Variants in RAMP1 observed in about 807,000 individuals in gnomAD.
RAMP1 encodes the protein receptor activity modifying protein 1.
A neutral mutation model predicts 8.2 loss-of-function variants in RAMP1; 7 were observed. The observed-to-expected ratio is 0.85, with a 90% CI of 0.49 to 1.60. RAMP1 has a LOEUF of 1.60. Ranked by LOEUF, RAMP1 falls within the 40% of genes most tolerant of loss-of-function variation. The pLI is 0.00. For synonymous variants in RAMP1, 92 were observed against 84.7 expected (o/e 1.09, Z -0.47); for missense variants, 192 against 202.4 (o/e 0.95, Z 0.31).
intron 2 of RAMP1, 111 bp from the exon 3 acceptor site, chr2:237,911,417 G>C (rs566285810): frequency 4.8e-6 from 7 of 1,451,598 alleles, no homozygotes; most frequent in Non-Finnish European, 5.6e-6. Context: ...GGGCTTCTCC[G>C]AGCCAAGCTT....
intron 1 of RAMP1, among the ~76,000 whole-genome samples, chr2:237,868,101 T>A (rs980083109): frequency 3.3e-5 from 5 of 151,158 alleles, no homozygotes; most frequent in African/African-American, 9.7e-5. Flanking sequence ...TGGAGTGCAG[T>A]GGAGCGATGT....
intron 2 of RAMP1, among the ~76,000 whole-genome samples, chr2:237,883,501 A>G (rs571662901): frequency 1.4e-4 from 21 of 152,272 alleles, no homozygotes; most frequent in African/African-American, 5.1e-4. Context: ...AGGACGTTGA[A>G]TAGAAGTAAA....
intron 2 of RAMP1, among the ~76,000 whole-genome samples, chr2:237,909,046 A>C (rs74002613): frequency 0.062 from 9,364 of 152,150 alleles, 972 homozygotes; most frequent in African/African-American, 0.21. Flanking sequence ...GGGACTCAGC[A>C]CCTGCCCTAG....
chr2:237,903,088 G>A (rs769044726), intron 2 of RAMP1, among the ~76,000 whole-genome samples: 2 of 152,104 alleles, frequency 1.3e-5, no homozygotes, highest in Non-Finnish European at 2.9e-5. Flanking sequence ...TGAACTCCTG[G>A]CCTCAAGCGA....
intron 1 of RAMP1, among the ~76,000 whole-genome samples, chr2:237,870,422 C>T (rs1371970187): frequency 6.6e-6 from 1 of 152,242 alleles, no homozygotes; most frequent in Non-Finnish European, 1.5e-5. Flanking sequence ...TGGTGCTGCT[C>T]ACCCGCCTTT....
chr2:237,869,141 T>C lies in RAMP1; in HGVS notation c.53-8083T>C, dbSNP rs1057486959. Among the ~76,000 whole-genome samples, 3 of 152,190 alleles carry C rather than the reference T, an allele frequency of 2.0e-5. No homozygotes were observed. The East Asian group carries it at 5.8e-4, about 30-fold the overall frequency. On this transcript the variant is annotated intron_variant, in intron 1 of 2. Coordinates refer to ENST00000254661, the MANE Select transcript of RAMP1 (RefSeq NM_005855.4). ...GCACTGCGTTTGTGATCCTGCCTGCTTTCCCTGGGCACGTGTTGCTGCGTG... is the reference window on the plus strand; with the variant it reads ...GCACTGCGTTTGTGATCCTGCCTGCCTTCCCTGGGCACGTGTTGCTGCGTG...
At chr2:237,898,915 G>A (rs935206154) in intron 2 of RAMP1, among the ~76,000 whole-genome samples, 47 of 152,244 alleles carry the variant, frequency 3.1e-4, no homozygotes, top group Non-Finnish European at 5.9e-5. Flanking sequence ...GCTATTCACA[G>A]AATCCTGGGT....
At position 237,877,538 on chromosome 2, in the gene RAMP1, G is replaced by A. The variant is rs1416294150; in HGVS notation, c.191+176G>A. On this transcript the variant is annotated intron_variant, in intron 2 of 2. Transcript: ENST00000254661. This position sits in a 1 kb window ranked among gnomAD's most constrained non-coding sequence, Gnocchi z 4.4. ...AGGAGGGAGCCAGTAGCAGGTGGAC[G>A]TGAAGAGTGACGGTGGGAGGAGGCC... is the stretch of plus-strand genomic sequence containing the variant. 1.3e-5 allele frequency among the ~76,000 whole-genome samples: 2 copies of A among 152,192 alleles called. No homozygotes were observed. Among genetic ancestry groups the A allele is most frequent in the Admixed American group, 6.5e-5 (1 of 15,290 alleles).
At chr2:237,897,779 G>GA (rs2062556510) in intron 2 of RAMP1, among the ~76,000 whole-genome samples, 1 of 85,908 alleles carries the variant, frequency 1.2e-5, no homozygotes. Flanking sequence ...TGGTTTTTTG[G>GA]GGGGGGGTTT....
intron 1 of RAMP1, among the ~76,000 whole-genome samples, chr2:237,872,391 GC>G (rs2062255444): frequency 1.3e-5 from 2 of 152,300 alleles, no homozygotes; most frequent in Middle Eastern, 3.4e-3. Context: ...CCAGGTGACT[GC>G]CCAGGTCGTG....
intron 2 of RAMP1, among the ~76,000 whole-genome samples, chr2:237,893,722 T>C (rs1051845303): frequency 3.9e-5 from 6 of 152,140 alleles, no homozygotes; most frequent in African/African-American, 1.4e-4. Flanking sequence ...GTGGATCACT[T>C]GAGGTCAGGA....
intron 2 of RAMP1, among the ~76,000 whole-genome samples, chr2:237,908,552 C>T (rs1031749987): frequency 1.3e-5 from 2 of 152,090 alleles, no homozygotes; most frequent in Non-Finnish European, 2.9e-5. Context: ...ATTCTCTTGC[C>T]TCAGACTCCC....
At chr2:237,863,861 A>C (rs1413677450) in intron 1 of RAMP1, among the ~76,000 whole-genome samples, 1 of 151,602 alleles carries the variant, frequency 6.6e-6, no homozygotes, top group Non-Finnish European at 1.5e-5. Context: ...CGAGAACCAG[A>C]ATCCCAAAAC....
intron 1 of RAMP1, chr2:237,870,120 CT>C (rs1157620796): frequency 1.3e-5 from 2 of 152,286 alleles, no homozygotes; most frequent in Non-Finnish European, 2.9e-5. Flanking sequence ...ATTGTGGTTT[CT>C]CGTTGTCTAG....
intron 2 of RAMP1, among the ~76,000 whole-genome samples, chr2:237,901,366 C>T (rs1338941400): frequency 7.2e-5 from 11 of 152,224 alleles, no homozygotes; most frequent in South Asian, 4.1e-4. Context: ...AGTTCATGGA[C>T]AGCCACAAAG....
At chr2:237,861,575 T>G (rs1435359326) in intron 1 of RAMP1, among the ~76,000 whole-genome samples, 2 of 152,176 alleles carry the variant, frequency 1.3e-5, no homozygotes, top group Non-Finnish European at 2.9e-5. Context: ...CGGCCAGGCA[T>G]GGTGACTCAC....
At chr2:237,903,987 C>T (rs547366666) in intron 2 of RAMP1, among the ~76,000 whole-genome samples, 2 of 152,382 alleles carry the variant, frequency 1.3e-5, no homozygotes, top group East Asian at 3.9e-4. Flanking sequence ...AATCCTCCGG[C>T]CTAGGCCTCC....
chr2:237,891,609 G>A (rs1244935272), intron 2 of RAMP1, among the ~76,000 whole-genome samples: 2 of 152,074 alleles, frequency 1.3e-5, no homozygotes, highest in African/African-American at 4.8e-5. Flanking sequence ...AATCATTTCT[G>A]CTTTTGTATT....
chr2:237,895,946 C>T (rs1357161183), intron 2 of RAMP1, among the ~76,000 whole-genome samples: 7 of 152,168 alleles, frequency 4.6e-5, no homozygotes, highest in Admixed American at 3.9e-4. Flanking sequence ...GTGGTCTCAG[C>T]CCCATCACAC....
Sources: gnomAD v4.1 joint callset for allele counts (sites outside exome capture counted in the v4.1 genomes callset) on GRCh38, gnomAD v4.1.1 for gene constraint, Gnocchi (gnomAD v3.1) non-coding constraint, MANE v1.5 for transcripts, NCBI Gene and HGNC (gene_info 2026-07-23, HGNC 2026-07-21) for gene names.